PRKG1: variants seen among roughly 807,000 people sequenced by gnomAD.
PRKG1 encodes cGMP-dependent protein kinase 1.
A neutral mutation model predicts 88.1 loss-of-function variants in PRKG1; 35 were observed. The observed-to-expected ratio is 0.40, with a 90% CI of 0.30 to 0.53. The LOEUF is 0.53. Ranked by LOEUF, PRKG1 falls within the 20% of genes least tolerant of loss-of-function variation. The pLI, the probability that PRKG1 is intolerant of heterozygous loss-of-function variation, is 0.59. For missense variants in PRKG1, 540 were observed against 839.8 expected, an observed-to-expected ratio of 0.64 and a Z score of 4.41; for synonymous variants, 303 against 292.5, an observed-to-expected ratio of 1.04 and a Z score of -0.37.
At chr10:51,047,161 G>A (rs1250162707) in intron 1 of PRKG1, among the ~76,000 whole-genome samples, 1 of 152,118 alleles carries the variant, frequency 6.6e-6, no homozygotes, top group African/African-American at 2.4e-5. Flanking sequence ...CTATCCAAAG[G>A]TGAGAGCCTC....
chr10:52,264,654 G>A lies in PRKG1; in HGVS notation c.1174-6696G>A, dbSNP rs1370499511. Among the ~76,000 whole-genome samples, 5 of 151,980 alleles carry A rather than the reference G, an allele frequency of 3.3e-5. No individual in the cohort carries two copies. The East Asian group carries it at 7.7e-4, about 23-fold the overall frequency. On this transcript the variant is annotated intron_variant, in intron 10 of 17. Coordinates refer to ENST00000373980, the MANE Select transcript of PRKG1 (RefSeq NM_006258.4). The stretch of plus-strand genomic sequence containing the variant: ...AAAATTTTGTGCTATTTTATTTAGA[G>A]AAAATATTTGCCATTCCTATTTTGC...
At position 51,907,522 on chromosome 10, in the gene PRKG1, G is replaced by T. The variant is rs1220674119; in HGVS notation, c.714G>T (p.Gln238His). The change falls in exon 5 of 18, where the codon CAG becomes CAT. Residue 238 changes from glutamine (Q) to histidine (H), a missense_variant. This residue lies in a region of PRKG1 where 400 missense variants were observed against 562.7 expected (regional missense o/e 0.71). Coordinates refer to ENST00000373980, the MANE Select transcript of PRKG1 (RefSeq NM_006258.4). ...TGTTTTTCAGCGTTCCAACATTCCA[G>T]AGCCTTCCTGAAGAGATCCTCAGCA... ...MEFLKSVPTFQSLPEEILSKL... is the reference protein window; with the variant it reads ...MEFLKSVPTFHSLPEEILSKL... The T allele has an allele frequency of 1.2e-6, 2 of 1,613,584 alleles. No individual in the cohort carries two copies. The highest frequency in any genetic ancestry group is 3.3e-5 in the Admixed American group (2 of 59,976).
At chr10:51,135,513 T>C (rs1845665790) in intron 1 of PRKG1, among the ~76,000 whole-genome samples, 1 of 152,160 alleles carries the variant, frequency 6.6e-6, no homozygotes, top group South Asian at 2.1e-4. Context: ...TCAGAGTTAG[T>C]TTTTCTAAAT....
chr10:52,127,524 A>G (rs1847957632), intron 7 of PRKG1, among the ~76,000 whole-genome samples: 1 of 152,200 alleles, frequency 6.6e-6, no homozygotes. Flanking sequence ...TGGGCTAGGG[A>G]TGAAATGTCA....
At chr10:51,531,114 C>A (rs568910650) in intron 3 of PRKG1, among the ~76,000 whole-genome samples, 27 of 152,214 alleles carry the variant, frequency 1.8e-4, no homozygotes, top group Non-Finnish European at 4.4e-5. Context: ...AATTTTACTC[C>A]TCAGTATAAA....
intron 1 of PRKG1, among the ~76,000 whole-genome samples, chr10:51,012,033 C>T (rs928120206): frequency 6.6e-6 from 1 of 152,198 alleles, no homozygotes; most frequent in Admixed American, 6.5e-5. Context: ...TTCACTATCA[C>T]AAGAACAGCA....
At chr10:51,278,712 T>G (rs1177293770) in intron 2 of PRKG1, among the ~76,000 whole-genome samples, 1 of 152,198 alleles carries the variant, frequency 6.6e-6, no homozygotes, top group East Asian at 1.9e-4. Flanking sequence ...ATTTATCCGT[T>G]TCTTCTAGAT....
chr10:51,122,764 G>A (rs1845293311), intron 1 of PRKG1, among the ~76,000 whole-genome samples: 1 of 152,138 alleles, frequency 6.6e-6, no homozygotes, highest in African/African-American at 2.4e-5. Context: ...TTCTCCCGTT[G>A]AGCATCAATA....
intron 3 of PRKG1, among the ~76,000 whole-genome samples, chr10:51,783,990 CTT>C (rs1043563709): frequency 1.3e-5 from 2 of 152,112 alleles, no homozygotes; most frequent in Non-Finnish European, 2.9e-5. Context: ...GGTTTGCCCT[CTT>C]GCCATCTTGG....
chr10:51,065,878 G>C (rs991340201), intron 1 of PRKG1, among the ~76,000 whole-genome samples: 2 of 152,060 alleles, frequency 1.3e-5, no homozygotes, highest in Non-Finnish European at 2.9e-5. Flanking sequence ...GTTAGAATGC[G>C]TAATATATAA....
At chr10:52,000,050 G>T (rs1237832631) in intron 5 of PRKG1, among the ~76,000 whole-genome samples, 2 of 151,566 alleles carry the variant, frequency 1.3e-5, no homozygotes. Context: ...TTCATGTTTT[G>T]TTCCTTTATT....
At chr10:51,486,581 C>A (rs1331690125) in intron 3 of PRKG1, among the ~76,000 whole-genome samples, 2 of 152,040 alleles carry the variant, frequency 1.3e-5, no homozygotes, top group Non-Finnish European at 2.9e-5. Flanking sequence ...ATGTGAATAG[C>A]CCTCCACCTA....
At chr10:51,041,951 G>A (rs1843429720) in intron 1 of PRKG1, among the ~76,000 whole-genome samples, 1 of 152,090 alleles carries the variant, frequency 6.6e-6, no homozygotes, top group African/African-American at 2.4e-5. Context: ...TTATTGAGTG[G>A]GACAGTAAAA....
chr10:51,220,720 T>A (rs563487795), intron 2 of PRKG1, among the ~76,000 whole-genome samples: 1 of 152,316 alleles, frequency 6.6e-6, no homozygotes, highest in East Asian at 1.9e-4. Flanking sequence ...CTAAGGATCT[T>A]GTGTTTGTAT....
chr10:51,791,160 C>T (rs1320855053), intron 3 of PRKG1, among the ~76,000 whole-genome samples: 2 of 151,870 alleles, frequency 1.3e-5, no homozygotes, highest in Non-Finnish European at 2.9e-5. Context: ...AGGCTGTTAG[C>T]TTAAGATGGA....
chr10:51,487,441 A>T (rs1840580433), intron 3 of PRKG1, among the ~76,000 whole-genome samples: 1 of 152,162 alleles, frequency 6.6e-6, no homozygotes, highest in South Asian at 2.1e-4. Context: ...AATAAATATT[A>T]AGTTAGCAAT....
At chr10:51,700,640 C>CA (rs1439991775) in intron 3 of PRKG1, among the ~76,000 whole-genome samples, 1 of 152,154 alleles carries the variant, frequency 6.6e-6, no homozygotes, top group Admixed American at 6.5e-5. Flanking sequence ...TTCCCAAGGA[C>CA]AAGCAGCTGG....
intron 1 of PRKG1, among the ~76,000 whole-genome samples, chr10:51,144,505 A>T (rs1845894193): frequency 1.3e-5 from 2 of 152,136 alleles, no homozygotes; most frequent in Non-Finnish European, 2.9e-5. Context: ...GTAATAATAA[A>T]TATTAATAGT....
chr10:52,049,610 A>G (rs1045815421), intron 5 of PRKG1, among the ~76,000 whole-genome samples: 8 of 152,144 alleles, frequency 5.3e-5, no homozygotes, highest in Non-Finnish European at 1.0e-4. Flanking sequence ...TGAGTAGACA[A>G]GTGACAGGGA....
Sources: gnomAD v4.1 joint callset for allele counts (sites outside exome capture counted in the v4.1 genomes callset) on GRCh38, gnomAD v4.1.1 for gene constraint, gnomAD v4.1.1 regional missense constraint, MANE v1.5 for transcripts, NCBI Gene and HGNC (gene_info 2026-07-23, HGNC 2026-07-21) for gene names.